NPFFR2: variants seen among roughly 807,000 people sequenced by gnomAD.
NPFFR2 encodes neuropeptide FF receptor 2.
NPFFR2 carries 15 observed loss-of-function variants against 13.1 expected under a neutral mutation model. The ratio of observed to expected loss-of-function variants is 1.15; its 90% CI spans 0.77 to 1.76. The LOEUF is 1.76. Ranked by LOEUF, NPFFR2 falls within the 40% of genes most tolerant of loss-of-function variation. The pLI, the probability that NPFFR2 is intolerant of heterozygous loss-of-function variation, is 0.00. For synonymous variants in NPFFR2, 190 were observed against 175.7 expected (o/e 1.08, Z -0.65); for missense variants, 572 against 503.5 (o/e 1.14, Z -1.30).
intron 1 of NPFFR2, among the ~76,000 whole-genome samples, chr4:72,049,443 G>A (rs1367817382): frequency 6.6e-6 from 1 of 152,046 alleles, no homozygotes; most frequent in African/African-American, 2.4e-5. Context: ...TGATTGTTCT[G>A]TTAAAAATAT....
At chr4:72,087,018 A>T (rs940923473) in intron 1 of NPFFR2, among the ~76,000 whole-genome samples, 1 of 152,096 alleles carries the variant, frequency 6.6e-6, no homozygotes, top group Non-Finnish European at 1.5e-5. Context: ...GAGAAAAAGA[A>T]AATAAAGCCT....
At chr4:72,073,303 C>T (rs965563402) in intron 1 of NPFFR2, among the ~76,000 whole-genome samples, 3 of 151,936 alleles carry the variant, frequency 2.0e-5, no homozygotes, top group East Asian at 3.9e-4. Context: ...CAAAATATCT[C>T]CTGTACCCCA....
At chr4:72,036,017 C>T (rs1333633549) in intron 1 of NPFFR2, among the ~76,000 whole-genome samples, 1 of 152,042 alleles carries the variant, frequency 6.6e-6, no homozygotes, top group Non-Finnish European at 1.5e-5. Context: ...GGTTGCATTC[C>T]CACAAAATTT....
chr4:72,080,040 TC>T (rs1720561297), intron 1 of NPFFR2, among the ~76,000 whole-genome samples: 1 of 152,208 alleles, frequency 6.6e-6, no homozygotes, highest in African/African-American at 2.4e-5. Context: ...AATAATTCTC[TC>T]TAGGAACCAA....
At chr4:72,083,179 T>C (rs1020347806) in intron 1 of NPFFR2, among the ~76,000 whole-genome samples, 4 of 152,186 alleles carry the variant, frequency 2.6e-5, no homozygotes, top group Non-Finnish European at 1.5e-5. Context: ...TTCGAGATAC[T>C]GATTTAATTT....
intron 3 of NPFFR2, among the ~76,000 whole-genome samples, chr4:72,141,548 G>C (rs552373487): frequency 2.8e-4 from 42 of 152,274 alleles, no homozygotes; most frequent in African/African-American, 1.0e-3. Context: ...AGGTTGTTCA[G>C]CTTCCATATA....
chr4:72,128,575 CTTT>C lies in NPFFR2; in HGVS notation c.-7-9_-7-7del, dbSNP rs774620913. On this transcript the variant is annotated splice_polypyrimidine_tract_variant and splice_region_variant and intron_variant, in intron 1 of 3. Coordinates refer to ENST00000308744, the MANE Select transcript of NPFFR2 (RefSeq NM_004885.3). ...ATTATGTTTTTCTTTTCTGTCTCTT[CTTT>C]ATTAAGGTTCATCATGAATGAGAAA... is the stretch of plus-strand genomic sequence containing the variant. 1.3e-6 allele frequency: 2 copies of C among 1,542,386 alleles called. No homozygotes were observed. The highest frequency in any genetic ancestry group is 2.3e-5 in the East Asian group (1 of 44,120).
At chr4:72,107,629 C>T (rs1721452779) in intron 1 of NPFFR2, among the ~76,000 whole-genome samples, 1 of 151,872 alleles carries the variant, frequency 6.6e-6, no homozygotes, top group Admixed American at 6.6e-5. Flanking sequence ...TCATAAGGTA[C>T]TCAGCTTGCA....
In NPFFR2 at chr4:72,104,701, G is replaced by T. The variant is rs940472756; in HGVS notation, c.-7-23884G>T. On this transcript the variant is annotated intron_variant, in intron 1 of 3. Transcript: ENST00000308744. ...TTCTCTTAATGAGGTCTTTCCAAAA[G>T]ATATAGGTGTCATTAACTCCTGGAA... Among the ~76,000 whole-genome samples, 4 of 151,960 alleles carry T rather than the reference G, an allele frequency of 2.6e-5. No homozygotes were observed. The East Asian group carries it at 7.8e-4, about 29-fold the overall frequency.
intron 1 of NPFFR2, among the ~76,000 whole-genome samples, chr4:72,098,073 A>G (rs761381515): frequency 2.0e-4 from 30 of 152,218 alleles, no homozygotes; most frequent in Non-Finnish European, 4.3e-4. Context: ...AGAGTAACTT[A>G]AAGAATCTCT....
chr4:72,117,223 A>G (rs967374179), intron 1 of NPFFR2, among the ~76,000 whole-genome samples: 1 of 152,090 alleles, frequency 6.6e-6, no homozygotes, highest in African/African-American at 2.4e-5. Context: ...ACTTGGGTCT[A>G]CTGGCCTCAT....
rs116043857 is a variant in NPFFR2, at chr4:72,131,985, A to C, written c.328+3066A>C. Among the ~76,000 whole-genome samples the C allele has an allele frequency of 9.6e-3, 1,466 of 152,064 alleles. 32 individuals carry two copies. The highest frequency in any genetic ancestry group is 0.033 in the African/African-American group (1,372 of 41,488). Reference sequence around the variant, plus strand: ...GTACAAATTGATAATTATTGTTATCACTCCCAGACAAGTTTTTTTTTAATT... The same window carrying C: ...GTACAAATTGATAATTATTGTTATCCCTCCCAGACAAGTTTTTTTTTAATT... On this transcript the variant is annotated intron_variant, in intron 2 of 3. Transcript: ENST00000308744.
At chr4:72,071,695 G>A (rs188485322) in intron 1 of NPFFR2, among the ~76,000 whole-genome samples, 1 of 152,212 alleles carries the variant, frequency 6.6e-6, no homozygotes, top group African/African-American at 2.4e-5. Context: ...AAGCCTGGGT[G>A]CACAAAAAGG....
chr4:72,123,764 T>G (rs1396880107), intron 1 of NPFFR2, among the ~76,000 whole-genome samples: 5 of 152,104 alleles, frequency 3.3e-5, no homozygotes, highest in Admixed American at 2.6e-4. Flanking sequence ...GAATGTATCT[T>G]AAAATAATAA....
At chr4:72,040,927 A>AATATATATAT (rs61548490) in intron 1 of NPFFR2, among the ~76,000 whole-genome samples, 2,911 of 146,750 alleles carry the variant, frequency 0.02, 114 homozygotes, top group East Asian at 0.17. Context: ...ACTGCTGTAA[A>AATATATATAT]ATATATATAT....
rs569278638 is a variant in NPFFR2, at chr4:72,133,854, T to C, written c.329-4186T>C. 6.4e-4 allele frequency among the ~76,000 whole-genome samples: 97 copies of C among 151,066 alleles called. 1 individual carries two copies. In the South Asian group the frequency reaches 9.6e-3, roughly 15 times the overall value. On this transcript the variant is annotated intron_variant, in intron 2 of 3. Transcript: ENST00000308744. ...AATGCCAGTGATTTTTGTACATTGATTTTTTTTTACCCTGAGACTTTTAGG... is the reference window on the plus strand; with the variant it reads ...AATGCCAGTGATTTTTGTACATTGACTTTTTTTTACCCTGAGACTTTTAGG...
At position 72,053,708 on chromosome 4, in the gene NPFFR2, AC is replaced by A. The variant is rs1278770634; in HGVS notation, c.-8+21509del. Among the ~76,000 whole-genome samples, 10 of 152,020 alleles carry A rather than the reference AC, an allele frequency of 6.6e-5. 1 individual carries two copies. The South Asian group carries it at 2.1e-3, about 32-fold the overall frequency. The stretch of plus-strand genomic sequence containing the variant: ...TATAGATTCAGGATTTTCTATGTAC[AC>A]AATCATGCATTATGCCAATAAAGAC... On this transcript the variant is annotated intron_variant, in intron 1 of 3. Coordinates refer to ENST00000308744, the MANE Select transcript of NPFFR2 (RefSeq NM_004885.3).
At chr4:72,123,333 G>T (rs1254051180) in intron 1 of NPFFR2, among the ~76,000 whole-genome samples, 2 of 152,108 alleles carry the variant, frequency 1.3e-5, no homozygotes, top group Non-Finnish European at 2.9e-5. Flanking sequence ...TTCTACCAGA[G>T]GTACAAAGAG....
intron 1 of NPFFR2, among the ~76,000 whole-genome samples, chr4:72,094,893 T>C (rs1578451213): frequency 6.6e-6 from 1 of 152,214 alleles, no homozygotes; most frequent in East Asian, 1.9e-4. Context: ...AATTTGGGTC[T>C]CCACACACTG....
Sources: gnomAD v4.1 joint callset for allele counts (sites outside exome capture counted in the v4.1 genomes callset) on GRCh38, gnomAD v4.1.1 for gene constraint, MANE v1.5 for transcripts, NCBI Gene and HGNC (gene_info 2026-07-23, HGNC 2026-07-21) for gene names.